Variants in CADPS observed in about 807,000 individuals in gnomAD.
The protein encoded by CADPS is calcium dependent secretion activator.
Under a neutral mutation model 167.3 loss-of-function variants are expected in CADPS, and 57 were observed. The observed-to-expected ratio is 0.34, with a 90% confidence interval of 0.28 to 0.42. The LOEUF (loss-of-function observed/expected upper bound fraction) is 0.42, where lower values mean the gene tolerates loss of function less well. Ranked by LOEUF, CADPS falls within the 20% of genes least tolerant of loss-of-function variation. CADPS has a pLI of 1.00. For synonymous variants in CADPS, 676 were observed against 635.3 expected (o/e 1.06, Z -0.96); for missense variants, 1,414 against 1,738.1 (o/e 0.81, Z 3.32).
chr3:62,628,247 G>C (rs548733121), intron 6 of CADPS, among the ~76,000 whole-genome samples: 3 of 152,244 alleles, frequency 2.0e-5, no homozygotes, highest in Admixed American at 6.5e-5. Flanking sequence ...TCACTGGCTG[G>C]GGGCCTTGAC....
intron 3 of CADPS, among the ~76,000 whole-genome samples, chr3:62,730,058 C>G (rs1398972905): frequency 6.6e-6 from 1 of 151,928 alleles, no homozygotes; most frequent in Admixed American, 6.5e-5. Context: ...GCTGCTCTAT[C>G]AGCCAGAGTC....
At chr3:62,407,000 G>A (rs1043082058) in intron 28 of CADPS, among the ~76,000 whole-genome samples, 11 of 152,196 alleles carry the variant, frequency 7.2e-5, no homozygotes, top group African/African-American at 2.7e-4. Flanking sequence ...TGATGAAAAT[G>A]GGGACTAACT....
intron 13 of CADPS, among the ~76,000 whole-genome samples, chr3:62,529,473 C>T (rs833676): frequency 0.83 from 126,700 of 152,200 alleles, 53,244 homozygotes; most frequent in South Asian, 0.91. Flanking sequence ...CTTGTCATTC[C>T]GTCAGACCTC....
chr3:62,809,708 G>C (rs966421325), intron 1 of CADPS, among the ~76,000 whole-genome samples: 1 of 152,154 alleles, frequency 6.6e-6, no homozygotes, highest in Non-Finnish European at 1.5e-5. Flanking sequence ...AGGTCCACAA[G>C]AGGAGGGATG....
At chr3:62,507,075 C>G (rs2066823966) in intron 17 of CADPS, among the ~76,000 whole-genome samples, 1 of 151,846 alleles carries the variant, frequency 6.6e-6, no homozygotes, top group Admixed American at 6.6e-5. Flanking sequence ...TCTTTTTTTT[C>G]TCTGATTCAG....
intron 18 of CADPS, among the ~76,000 whole-genome samples, chr3:62,497,308 T>C (rs1452077): frequency 0.13 from 20,132 of 152,112 alleles, 1,558 homozygotes; most frequent in East Asian, 0.28. Context: ...AAAAGCACAA[T>C]TGTGACTGAG....
Position 62,722,444 on chromosome 3 carries a change from A to T in CADPS, c.888+30997T>A, listed in dbSNP as rs565482877. On this transcript the variant is annotated intron_variant, in intron 3 of 29. Coordinates refer to ENST00000383710, the MANE Select transcript of CADPS (RefSeq NM_003716.4). The stretch of plus-strand genomic sequence containing the variant: ...AACAAGGATATAAGCCCAAGTGAAC[A>T]TCTCATGAACATCTCATGAACATCT... Among the ~76,000 whole-genome samples, 144 of 151,402 alleles carry T rather than the reference A, an allele frequency of 9.5e-4. 1 individual carries two copies. Among genetic ancestry groups the T allele is most frequent in the Non-Finnish European group, 1.9e-3 (127 of 68,006 alleles).
At chr3:62,511,772 T>C (rs1569244) in intron 17 of CADPS, among the ~76,000 whole-genome samples, 104,579 of 152,014 alleles carry the variant, frequency 0.69, 38,100 homozygotes, top group Middle Eastern at 0.84. Context: ...GATTTACATA[T>C]ATAGACCCAT....
At chr3:62,519,587 T>C (rs1304616490) in intron 13 of CADPS, among the ~76,000 whole-genome samples, 1 of 152,130 alleles carries the variant, frequency 6.6e-6, no homozygotes, top group Non-Finnish European at 1.5e-5. Flanking sequence ...CTTCAAATTC[T>C]CTGGTAAATC....
chr3:62,565,140 G>T (rs1333619178), intron 9 of CADPS, among the ~76,000 whole-genome samples: 1 of 152,022 alleles, frequency 6.6e-6, no homozygotes, highest in Non-Finnish European at 1.5e-5. Context: ...AATGTGTTTG[G>T]TTCTCACCAT....
At chr3:62,655,664 C>G (rs1461048622) in intron 4 of CADPS, among the ~76,000 whole-genome samples, 2 of 152,076 alleles carry the variant, frequency 1.3e-5, no homozygotes, top group Non-Finnish European at 1.5e-5. Flanking sequence ...AAGGCTGCCC[C>G]CCTTCAGAGT....
At chr3:62,527,340 T>C (rs753060140) in intron 13 of CADPS, among the ~76,000 whole-genome samples, 18 of 152,164 alleles carry the variant, frequency 1.2e-4, no homozygotes, top group Admixed American at 2.0e-4. Flanking sequence ...TATTATAGGA[T>C]GTTTAATAAT....
intron 15 of CADPS, 133 bp downstream of exon 15, chr3:62,516,447 T>C: frequency 1.3e-6 from 1 of 788,660 alleles, no homozygotes; most frequent in South Asian, 2.0e-5. Flanking sequence ...TCCTCGCTTC[T>C]ATTCTGATAT....
rs146945733 is a variant in CADPS, at chr3:62,558,466, C to G, written c.1645-953G>C. 2.0e-5 allele frequency among the ~76,000 whole-genome samples: 3 copies of G among 152,366 alleles called. No individual in the cohort carries two copies. In the East Asian group the frequency reaches 5.8e-4, roughly 29 times the overall value. ...AAATGCTCTCAGGCATATTTACTATCCACGGATGTCAAATGTCTTAGAGAA... is the reference window on the plus strand; with the variant it reads ...AAATGCTCTCAGGCATATTTACTATGCACGGATGTCAAATGTCTTAGAGAA... On this transcript the variant is annotated intron_variant, in intron 9 of 29. Transcript: ENST00000383710.
chr3:62,705,083 A>G (rs1219534585), intron 3 of CADPS, among the ~76,000 whole-genome samples: 1 of 152,078 alleles, frequency 6.6e-6, no homozygotes, highest in Non-Finnish European at 1.5e-5. Context: ...CATTCCTTCA[A>G]GTAAGACAGA....
chr3:62,409,458 G>A lies in CADPS; in HGVS notation c.3778-6273C>T, dbSNP rs9861387. On this transcript the variant is annotated intron_variant, in intron 28 of 29. Transcript: ENST00000383710. Reference sequence around the variant, plus strand: ...TGAAGATAGAAAGTTGCTAAGCAGAGTGTGGGGACTCGGGGGCATCCCCAT... The same window carrying A: ...TGAAGATAGAAAGTTGCTAAGCAGAATGTGGGGACTCGGGGGCATCCCCAT... Among the ~76,000 whole-genome samples, 1,008 of 152,362 alleles carry A rather than the reference G, an allele frequency of 6.6e-3. 11 individuals carry two copies. Among genetic ancestry groups the A allele is most frequent in the African/African-American group, 0.023 (960 of 41,584 alleles).
At chr3:62,431,693 C>G (rs1276130627) in intron 28 of CADPS, among the ~76,000 whole-genome samples, 1 of 151,800 alleles carries the variant, frequency 6.6e-6, no homozygotes, top group East Asian at 1.9e-4. Flanking sequence ...ACAACCTTGC[C>G]CTGCATCAAA....
intron 1 of CADPS, among the ~76,000 whole-genome samples, chr3:62,856,777 A>T (rs1354212926): frequency 3.9e-5 from 6 of 151,954 alleles, no homozygotes; most frequent in Non-Finnish European, 5.9e-5. Flanking sequence ...TTAATCTATG[A>T]TATTGAACTG....
At chr3:62,872,901 G>C (rs58638982) in intron 1 of CADPS, among the ~76,000 whole-genome samples, 8,582 of 152,260 alleles carry the variant, frequency 0.056, 481 homozygotes, top group African/African-American at 0.15. Flanking sequence ...TACTGGGATA[G>C]ATTTTGGAGG....
Sources: allele counts gnomAD v4.1 joint callset (sites outside exome capture counted in the v4.1 genomes callset), GRCh38; gene constraint gnomAD v4.1.1; transcripts MANE v1.5; gene names NCBI Gene and HGNC (gene_info 2026-07-23, HGNC 2026-07-21).